CALD1: variants seen among roughly 807,000 people sequenced by gnomAD.
The protein encoded by CALD1 is caldesmon.
Under a neutral mutation model 99.9 loss-of-function variants are expected in CALD1, and 33 were observed. The ratio of observed to expected loss-of-function variants is 0.33; its 90% CI spans 0.25 to 0.44. The LOEUF (loss-of-function observed/expected upper bound fraction) is 0.44. CALD1 is among the 20% of genes least tolerant of loss of function. CALD1 has a pLI of 1.00. For missense variants in CALD1, 861 were observed against 962.1 expected (o/e 0.89, Z 1.39); for synonymous variants, 310 against 325.0 (o/e 0.95, Z 0.50).
At chr7:134,733,165 A>G in the CALD1 span, among the ~76,000 whole-genome samples, 2 of 152,226 alleles carry the variant, frequency 1.3e-5, no homozygotes, top group Non-Finnish European at 2.9e-5. Context: ...TTTATTTTTA[A>G]TAAAACTGTC....
At chr7:134,923,586 T>C (rs935897463) in intron 3 of CALD1, among the ~76,000 whole-genome samples, 1 of 152,190 alleles carries the variant, frequency 6.6e-6, no homozygotes, top group Admixed American at 6.5e-5. Flanking sequence ...CAGTGGTTGG[T>C]TAGGTATGAT....
At chr7:134,881,002 C>T (rs1290690412) in intron 3 of CALD1, among the ~76,000 whole-genome samples, 1 of 152,084 alleles carries the variant, frequency 6.6e-6, no homozygotes, top group Non-Finnish European at 1.5e-5. Context: ...TAAATGATGT[C>T]TCATTGTGGC....
chr7:134,882,244 G>A (rs1338331635), intron 3 of CALD1, among the ~76,000 whole-genome samples: 1 of 152,210 alleles, frequency 6.6e-6, no homozygotes, highest in Non-Finnish European at 1.5e-5. Flanking sequence ...CACCATCAAT[G>A]CCTCTCCTGG....
chr7:134,921,981 T>C (rs1006819586), intron 3 of CALD1, among the ~76,000 whole-genome samples: 1 of 152,188 alleles, frequency 6.6e-6, no homozygotes, highest in Non-Finnish European at 1.5e-5. Context: ...TCCTATTACA[T>C]AAATGATGAA....
chr7:134,799,337 G>A (rs1175099769), intron 1 of CALD1, among the ~76,000 whole-genome samples: 2 of 152,098 alleles, frequency 1.3e-5, no homozygotes, highest in African/African-American at 4.8e-5. Context: ...AAATAAAGTT[G>A]GGAAGAGACA....
At chr7:134,852,219 G>T (rs890056080) in intron 2 of CALD1, among the ~76,000 whole-genome samples, 1 of 152,108 alleles carries the variant, frequency 6.6e-6, no homozygotes, top group Non-Finnish European at 1.5e-5. Flanking sequence ...CTGGACTCTA[G>T]AAAAATATAG....
chr7:134,796,112 G>C (rs1797734662), intron 1 of CALD1, among the ~76,000 whole-genome samples: 1 of 152,206 alleles, frequency 6.6e-6, no homozygotes, highest in African/African-American at 2.4e-5. Context: ...GTTTGCATGA[G>C]GTTTTAAGTT....
At chr7:134,942,097 A>G (rs1296520848) in intron 7 of CALD1, among the ~76,000 whole-genome samples, 1 of 151,966 alleles carries the variant, frequency 6.6e-6, no homozygotes, top group Non-Finnish European at 1.5e-5. Flanking sequence ...CCAAATTCCA[A>G]CCTCTGTTTT....
intron 1 of CALD1, among the ~76,000 whole-genome samples, chr7:134,792,439 G>A (rs943456177): frequency 8.6e-5 from 13 of 152,010 alleles, no homozygotes; most frequent in South Asian, 4.2e-4. Flanking sequence ...ACAGGTGCTC[G>A]CCACCATGCC....
At chr7:134,800,970 T>A (rs1299342618) in intron 1 of CALD1, among the ~76,000 whole-genome samples, 1 of 152,084 alleles carries the variant, frequency 6.6e-6, no homozygotes, top group Non-Finnish European at 1.5e-5. Flanking sequence ...AGGAGCATAT[T>A]ATTTGAAATG....
chr7:134,761,569 T>C (rs1233151041), intron 1 of CALD1, among the ~76,000 whole-genome samples: 1 of 152,216 alleles, frequency 6.6e-6, no homozygotes, highest in Non-Finnish European at 1.5e-5. Context: ...ATCTCTTTGA[T>C]CTTCATATCA....
chr7:134,821,452 T>G (rs1178818867), intron 1 of CALD1, among the ~76,000 whole-genome samples: 1 of 152,188 alleles, frequency 6.6e-6, no homozygotes, highest in Non-Finnish European at 1.5e-5. Flanking sequence ...CCATCTATTT[T>G]TATAATTTTA....
At chr7:134,871,080 C>A (rs1158539084) in intron 3 of CALD1, among the ~76,000 whole-genome samples, 1 of 152,166 alleles carries the variant, frequency 6.6e-6, no homozygotes. Context: ...TAGCTCCAGA[C>A]CTTGGCTTCC....
At position 134,933,028 on chromosome 7, in the gene CALD1, C is replaced by G. The variant is rs761604756; in HGVS notation, c.259C>G (p.Gln87Glu). The G allele has an allele frequency of 7.4e-6, 12 of 1,612,830 alleles. No homozygotes were observed. Among genetic ancestry groups the G allele is most frequent in the South Asian group, 1.1e-5 (1 of 90,988 alleles). The change falls in exon 5 of 15, where the codon CAA (glutamine) becomes GAA (glutamate). Residue 87 changes from glutamine to glutamate, a missense_variant. Around this residue, in one of 5 missense-constraint regions of CALD1, gnomAD observed 123 missense variants for 169.8 expected, o/e 0.72. Coordinates refer to ENST00000361675, the MANE Select transcript of CALD1 (RefSeq NM_033138.4). ...GGCCAAGACAACCACCACAAACACTCAAGTGGAAGGGGATGATGAGGCCGC... is the reference window on the plus strand; with the variant it reads ...GGCCAAGACAACCACCACAAACACTGAAGTGGAAGGGGATGATGAGGCCGC... ...EEAKTTTTNTQVEGDDEAAFL... is the reference protein window; with the variant it reads ...EEAKTTTTNTEVEGDDEAAFL...
intron 3 of CALD1, among the ~76,000 whole-genome samples, chr7:134,921,465 G>A (rs1022759535): frequency 2.0e-5 from 3 of 152,168 alleles, no homozygotes; most frequent in Non-Finnish European, 4.4e-5. Flanking sequence ...ATCTTAGTGT[G>A]TGTTGATCCA....
intron 1 of CALD1, among the ~76,000 whole-genome samples, chr7:134,796,501 A>G (rs571479407): frequency 2.0e-5 from 3 of 152,308 alleles, no homozygotes; most frequent in East Asian, 1.9e-4. Context: ...GGAGTTTCCA[A>G]TAATCATCTC....
In CALD1 at chr7:134,945,874, A is replaced by C. The variant is rs1023512030; in HGVS notation, c.1533-1634A>C. Among the ~76,000 whole-genome samples the C allele has an allele frequency of 2.0e-5, 3 of 152,340 alleles. No homozygotes were observed. The South Asian group carries it at 6.2e-4, about 32-fold the overall frequency. Reference sequence around the variant, plus strand: ...TCACTGTGTTTAGCTCTTAATCAAGAGGCAATGGGTAATTTCGTCTGCCAG... The same window carrying C: ...TCACTGTGTTTAGCTCTTAATCAAGCGGCAATGGGTAATTTCGTCTGCCAG... On this transcript the variant is annotated intron_variant, in intron 7 of 14. Coordinates refer to ENST00000361675, the MANE Select transcript of CALD1 (RefSeq NM_033138.4).
In CALD1 at chr7:134,950,540, A is replaced by G. The variant is rs746693313; in HGVS notation, c.1935+26A>G. The G allele has an allele frequency of 3.8e-6, 6 of 1,597,066 alleles. No individual in the cohort carries two copies. The East Asian group carries it at 1.1e-4, about 30-fold the overall frequency. On this transcript the variant is annotated intron_variant, in intron 9 of 14. Transcript: ENST00000361675. ...GTATTTTTTTCCCCAGAAAACTTCT[A>G]TTAGAATATGATAGAGACTGGATTT...
At chr7:134,954,774 C>G (rs1403196376) in intron 9 of CALD1, among the ~76,000 whole-genome samples, 4 of 152,148 alleles carry the variant, frequency 2.6e-5, no homozygotes, top group Non-Finnish European at 5.9e-5. Flanking sequence ...TTTCTTTATC[C>G]CCAGTCTCAC....
Sources: gnomAD v4.1 joint callset for allele counts (sites outside exome capture counted in the v4.1 genomes callset) on GRCh38, gnomAD v4.1.1 for gene constraint, gnomAD v4.1.1 regional missense constraint, MANE v1.5 for transcripts, NCBI Gene and HGNC (gene_info 2026-07-23, HGNC 2026-07-21) for gene names.